SNORC: variants seen among roughly 807,000 people sequenced by gnomAD.
SNORC encodes the protein protein SNORC.
SNORC carries 11 observed loss-of-function variants against 9.7 expected under a neutral mutation model. The observed-to-expected ratio is 1.14, with a 90% CI of 0.72 to 1.88. SNORC has a LOEUF of 1.88. Ranked by LOEUF, SNORC falls within the 40% of genes most tolerant of loss-of-function variation. The probability of loss-of-function intolerance (pLI) is 0.00; values close to 1 mark genes in which losing one functional copy is unlikely to be tolerated. For missense variants in SNORC, 197 were observed against 173.1 expected (o/e 1.14, Z -0.77); for synonymous variants, 108 against 88.7 (o/e 1.22, Z -1.22).
chr2:232,873,563 C>T (rs1274435515), intron 1 of SNORC, among the ~76,000 whole-genome samples: 1 of 152,194 alleles, frequency 6.6e-6, no homozygotes, highest in Non-Finnish European at 1.5e-5. Context: ...AGAAGCCCTG[C>T]CGCGGCCTCC....
At chr2:232,871,447 C>CCA (rs1430729863) in intron 1 of SNORC, among the ~76,000 whole-genome samples, 1 of 152,206 alleles carries the variant, frequency 6.6e-6, no homozygotes, top group Non-Finnish European at 1.5e-5. Context: ...GGTGACACAG[C>CCA]CACGCTCTGC....
chr2:232,878,181 G>A (rs1354992609), downstream of SNORC: 1 of 152,374 alleles, frequency 6.6e-6, no homozygotes, highest in Non-Finnish European at 1.5e-5. Context: ...CTAAACCAGA[G>A]GCCTGTTCTG....
chr2:232,871,653 C>G (rs1009747238), intron 1 of SNORC, among the ~76,000 whole-genome samples: 3 of 152,322 alleles, frequency 2.0e-5, no homozygotes, highest in African/African-American at 7.2e-5. Flanking sequence ...GAGGCGCCAG[C>G]CTAGGCGAGC....
downstream of SNORC, chr2:232,877,027 C>G: frequency 1.0e-6 from 1 of 985,548 alleles, no homozygotes; most frequent in Non-Finnish European, 1.2e-6. Flanking sequence ...AGCCAGAGGC[C>G]GCGTGGTTTT....
chr2:232,870,312 C>T (rs1324776890), exon 1 of SNORC: 7 of 1,548,172 alleles, frequency 4.5e-6, no homozygotes, highest in Admixed American at 2.0e-5. Context: ...CCGTGCGTCC[C>T]GCCCGCCGCT....
downstream of SNORC, chr2:232,876,549 C>T: frequency 8.5e-7 from 1 of 1,183,420 alleles, no homozygotes; most frequent in Non-Finnish European, 1.0e-6. The surrounding 1 kb of genome is among the most constrained non-coding windows in gnomAD (Gnocchi z 6.8). Flanking sequence ...GAGGCGCGCC[C>T]GAATTCCCCG....
downstream of SNORC, chr2:232,878,646 C>CCAAA (rs1248411181): frequency 1.3e-5 from 2 of 152,586 alleles, no homozygotes; most frequent in Non-Finnish European, 2.9e-5. Context: ...CTACCTGGAA[C>CCAAA]CAAACACCCC....
upstream of SNORC, among the ~76,000 whole-genome samples, chr2:232,866,964 C>G (rs982275224): frequency 6.6e-6 from 1 of 152,180 alleles, no homozygotes; most frequent in African/African-American, 2.4e-5. Context: ...CACCATGTCT[C>G]TCACATTCAG....
chr2:232,875,457 G>T, intron 1 of SNORC: 1 of 408,818 alleles, frequency 2.4e-6, no homozygotes, highest in Non-Finnish European at 5.1e-6. Context: ...CCCATGTTGA[G>T]CTTTCCAGCG....
intron 1 of SNORC, among the ~76,000 whole-genome samples, chr2:232,872,138 C>G (rs925557563): frequency 6.6e-6 from 1 of 152,202 alleles, no homozygotes; most frequent in Non-Finnish European, 1.5e-5. Context: ...GACCCCACCC[C>G]TGGGCTGGGA....
rs1038374281 is a variant in SNORC, at chr2:232,876,353, C to T, written c.363C>T (p.Ser121=). The change falls in exon 3 of 3, where the codon TCC becomes TCT. Residue 121 remains serine, a synonymous_variant. Transcript: ENST00000331342. The surrounding 1 kb of genome is among the most constrained non-coding windows in gnomAD (Gnocchi z 6.8). ...TCGCGCTGAGAAAGTTTTCTGCCTC[C>T]TGAAGCGAATAAAGGGGCCGCGCCC... The T allele has an allele frequency of 6.5e-7, 1 of 1,537,282 alleles. No homozygotes were observed. The highest frequency in any genetic ancestry group is 8.7e-7 in the Non-Finnish European group (1 of 1,145,672).
downstream of SNORC, chr2:232,876,646 G>C (rs1691262838): frequency 2.0e-6 from 2 of 1,024,994 alleles, no homozygotes. The surrounding 1 kb of genome is among the most constrained non-coding windows in gnomAD (Gnocchi z 6.8). Context: ...GGGCCGCGCG[G>C]CTCGGCGTCC....
rs569432220 is a variant in SNORC at position 232,874,452 on chromosome 2, T to C, written c.74-1488T>C. On this transcript the variant is annotated intron_variant, in intron 1 of 2. Coordinates refer to ENST00000331342, the Ensembl canonical transcript of SNORC. ...GCCTGTCCCTCCCCGTCCAGGAACA[T>C]TGAGCTGTCTCCTTAGTCTCTGATC... is the stretch of plus-strand genomic sequence containing the variant. Among the ~76,000 whole-genome samples, 6 of 152,322 alleles carry C rather than the reference T, an allele frequency of 3.9e-5. No individual in the cohort carries two copies. The East Asian group carries it at 9.7e-4, about 25-fold the overall frequency.
Position 232,876,330 on chromosome 2 carries a change from G to A in SNORC, c.340G>A (p.Ala114Thr). Residue 114 changes from alanine to threonine, a missense_variant, in exon 3 of 3, where the codon GCG becomes ACG. By Grantham distance (58) the Ala-to-Thr change is moderately conservative (BLOSUM62 0). Transcript: ENST00000331342. This position sits in a 1 kb window ranked among gnomAD's most constrained non-coding sequence, Gnocchi z 6.8. Reference sequence around the variant, plus strand: ...CGTGGTGCTGGCGCTCGTGGTCGTCGCGCTGAGAAAGTTTTCTGCCTCCTG... The same window carrying A: ...CGTGGTGCTGGCGCTCGTGGTCGTCACGCTGAGAAAGTTTTCTGCCTCCTG... 1 of 1,546,620 alleles carries A rather than the reference G, an allele frequency of 6.5e-7. No individual in the cohort carries two copies. The highest frequency in any genetic ancestry group is 8.7e-7 in the Non-Finnish European group (1 of 1,150,040).
chr2:232,874,834 T>A (rs1044968448), intron 1 of SNORC, among the ~76,000 whole-genome samples: 2 of 152,220 alleles, frequency 1.3e-5, no homozygotes, highest in Non-Finnish European at 2.9e-5. Context: ...CTCCTGCAAC[T>A]GTCCAAGGCC....
At chr2:232,868,527 C>T (rs1441411317), upstream of SNORC, among the ~76,000 whole-genome samples, 4 of 152,182 alleles carry the variant, frequency 2.6e-5, no homozygotes, top group Non-Finnish European at 5.9e-5. Flanking sequence ...CTCTGGCCTA[C>T]AAAAAACAGC....
chr2:232,875,645 C>A, intron 1 of SNORC: 1 of 525,280 alleles, frequency 1.9e-6, no homozygotes, highest in Admixed American at 3.6e-5. Context: ...TCTCTGGTCC[C>A]TGGGTACCCC....
Position 232,876,200 on chromosome 2 carries a change from C to G in SNORC, c.257-47C>G, listed in dbSNP as rs751987825. On this transcript the variant is annotated intron_variant, in intron 2 of 2. Transcript: ENST00000331342. The surrounding 1 kb of genome is among the most constrained non-coding windows in gnomAD (Gnocchi z 6.8). ...GGGCGGGGGGCGCGGGGAGAAGGGC[C>G]GGCCAGGCGGGGGCTAGCAGGTGAC... 564 of 1,468,888 alleles carry G rather than the reference C, an allele frequency of 3.8e-4. No individual in the cohort carries two copies. The highest frequency in any genetic ancestry group is 4.8e-4 in the Non-Finnish European group (540 of 1,116,308). The allele number at this position is 1,468,888 out of a possible 1,614,324, so 91.0% of individuals were successfully genotyped here.
chr2:232,877,989 T>A (rs184205498), downstream of SNORC: 1 of 152,254 alleles, frequency 6.6e-6, no homozygotes, highest in African/African-American at 2.4e-5. Context: ...TCTTTCCCTT[T>A]CCCCACTCTG....
Sources: gnomAD v4.1 joint callset for allele counts (sites outside exome capture counted in the v4.1 genomes callset) on GRCh38, gnomAD v4.1.1 for gene constraint, Gnocchi (gnomAD v3.1) non-coding constraint, MANE v1.5 for transcripts, NCBI Gene and HGNC (gene_info 2026-07-23, HGNC 2026-07-21) for gene names.